The following RAD51B variants were observed in gnomAD, a reference collection of about 807,000 sequenced individuals.
RAD51B encodes RAD51 paralog B.
RAD51B carries 38 observed loss-of-function variants against 42.2 expected under a neutral mutation model. The observed-to-expected ratio is 0.90, with a 90% CI of 0.70 to 1.18. The LOEUF is 1.18. Among genes scored for constraint, RAD51B ranks in the 50% most tolerant of loss-of-function variants. The pLI is 0.00. For missense variants in RAD51B, 373 were observed against 400.7 expected, an observed-to-expected ratio of 0.93 and a Z score of 0.59; for synonymous variants, 154 against 145.2, an observed-to-expected ratio of 1.06 and a Z score of -0.43.
intron 7 of RAD51B, among the ~76,000 whole-genome samples, chr14:68,272,669 T>A (rs867174478): frequency 0.082 from 451 of 5,512 alleles, 2 homozygotes; most frequent in East Asian, 0.12. Flanking sequence ...ATATATATTT[T>A]TTTTTTTTTT....
chr14:68,375,548 T>G (rs2083350603), intron 8 of RAD51B, among the ~76,000 whole-genome samples: 1 of 152,174 alleles, frequency 6.6e-6, no homozygotes, highest in African/African-American at 2.4e-5. Context: ...TTCCAGAGTA[T>G]GCCGTCCCTC....
chr14:68,589,390 G>T (rs569446202), intron 10 of RAD51B, among the ~76,000 whole-genome samples: 28 of 152,208 alleles, frequency 1.8e-4, no homozygotes, highest in African/African-American at 6.5e-4. Flanking sequence ...AGCTGCAGGA[G>T]TTGAGACATG....
intron 10 of RAD51B, among the ~76,000 whole-genome samples, chr14:68,517,883 T>C (rs1886270768): frequency 6.6e-6 from 1 of 152,180 alleles, no homozygotes; most frequent in South Asian, 2.1e-4. Context: ...TCTGAAACTA[T>C]CAGTGTTGAA....
At chr14:68,467,336 C>T (rs920117026) in intron 9 of RAD51B, among the ~76,000 whole-genome samples, 1 of 152,146 alleles carries the variant, frequency 6.6e-6, no homozygotes, top group African/African-American at 2.4e-5. Context: ...TCTTGCTGCA[C>T]GCACTAATGC....
intron 10 of RAD51B, among the ~76,000 whole-genome samples, chr14:68,552,645 T>C (rs1888636244): frequency 6.6e-6 from 1 of 152,148 alleles, no homozygotes; most frequent in African/African-American, 2.4e-5. Context: ...TTTTTAAAAA[T>C]AAATTATCTG....
chr14:68,058,898 C>T (rs1478949394), intron 7 of RAD51B, among the ~76,000 whole-genome samples: 1 of 152,158 alleles, frequency 6.6e-6, no homozygotes, highest in Non-Finnish European at 1.5e-5. Context: ...TTTGCCAACA[C>T]CTGCCAATTG....
intron 10 of RAD51B, among the ~76,000 whole-genome samples, chr14:68,527,386 C>T (rs114958186): frequency 0.014 from 2,191 of 152,288 alleles, 52 homozygotes; most frequent in African/African-American, 0.048. Flanking sequence ...AGGGGAGGAG[C>T]GAGCTCCTTC....
intron 7 of RAD51B, among the ~76,000 whole-genome samples, chr14:68,276,118 A>G (rs1263713457): frequency 6.6e-6 from 1 of 152,196 alleles, no homozygotes; most frequent in Non-Finnish European, 1.5e-5. Flanking sequence ...GTTATTATAG[A>G]AAGAGACAGA....
chr14:68,387,746 ACACT>A (rs1367983419), intron 8 of RAD51B, among the ~76,000 whole-genome samples: 1 of 152,140 alleles, frequency 6.6e-6, no homozygotes, highest in African/African-American at 2.4e-5. Flanking sequence ...TCTTACACAC[ACACT>A]ATCTCTTACA....
chr14:68,382,785 G>A (rs986419540), intron 8 of RAD51B, among the ~76,000 whole-genome samples: 3 of 152,144 alleles, frequency 2.0e-5, no homozygotes, highest in Non-Finnish European at 4.4e-5. Context: ...TATCCTACTG[G>A]TGGTATGTTG....
intron 7 of RAD51B, among the ~76,000 whole-genome samples, chr14:68,085,336 AT>A (rs1157517993): frequency 3.3e-5 from 5 of 152,178 alleles, no homozygotes; most frequent in African/African-American, 1.2e-4. Context: ...TTTAATTGAA[AT>A]CAAGGAAGTA....
At chr14:68,311,799 A>C (rs2081972720) in intron 8 of RAD51B, among the ~76,000 whole-genome samples, 1 of 152,220 alleles carries the variant, frequency 6.6e-6, no homozygotes. Flanking sequence ...AGGCAGGAGA[A>C]TTGCTTGAAC....
At chr14:67,885,128 T>G (rs1408124162) in intron 5 of RAD51B, among the ~76,000 whole-genome samples, 1 of 152,246 alleles carries the variant, frequency 6.6e-6, no homozygotes, top group East Asian at 1.9e-4. Flanking sequence ...ACTCAAAACA[T>G]TTAAAATGAA....
chr14:68,607,528 G>T (rs1031665006), intron 10 of RAD51B, among the ~76,000 whole-genome samples: 9 of 152,114 alleles, frequency 5.9e-5, no homozygotes, highest in South Asian at 4.1e-4. Context: ...CTCAGCCCAC[G>T]TCCGCCCTTT....
intron 7 of RAD51B, among the ~76,000 whole-genome samples, chr14:68,145,055 C>T (rs766527803): frequency 7.2e-5 from 11 of 152,106 alleles, no homozygotes; most frequent in Non-Finnish European, 1.0e-4. Flanking sequence ...TTCATAGAAT[C>T]AGTATGGTAA....
rs1340316545 is a variant in RAD51B, at chr14:67,825,567, A to G, written c.188A>G (p.Lys63Arg). Residue 63 changes from lysine (K) to arginine (R), a missense_variant, in exon 3 of 11, where the codon AAG becomes AGG. Coordinates refer to ENST00000471583, the MANE Select transcript of RAD51B (RefSeq NM_133510.4). ...LCMVSRACAP[K>R]MQTAYGIKAQ... ...ATGGTCAGCAGGGCCTGTGCCCCAA[A>G]GATGCAAACGGTATATTTATATTTT... The G allele has an allele frequency of 6.3e-7, 1 of 1,598,004 alleles. No homozygotes were observed. The highest frequency in any genetic ancestry group is 8.6e-7 in the Non-Finnish European group (1 of 1,168,664).
At chr14:68,661,086 G>A (rs1438528559) in intron 11 of RAD51B, among the ~76,000 whole-genome samples, 1 of 152,220 alleles carries the variant, frequency 6.6e-6, no homozygotes, top group East Asian at 1.9e-4. Context: ...AGCAGTGACA[G>A]GCAGGCCTGA....
chr14:68,388,051 G>A, intron 8 of RAD51B, among the ~76,000 whole-genome samples: 1 of 129,484 alleles, frequency 7.7e-6, no homozygotes, highest in East Asian at 2.3e-4. Context: ...TATGTGACTT[G>A]CATTGTGTGT....
intron 7 of RAD51B, among the ~76,000 whole-genome samples, chr14:68,286,928 G>A (rs994625258): frequency 6.6e-6 from 1 of 152,140 alleles, no homozygotes; most frequent in South Asian, 2.1e-4. Context: ...TTAACTCAAG[G>A]TATTTGCTGC....
Sources: gnomAD v4.1 joint callset for allele counts (sites outside exome capture counted in the v4.1 genomes callset) on GRCh38, gnomAD v4.1.1 for gene constraint, MANE v1.5 for transcripts, NCBI Gene and HGNC (gene_info 2026-07-23, HGNC 2026-07-21) for gene names.